EPB41L1: variants seen among roughly 807,000 people sequenced by gnomAD.
The protein encoded by EPB41L1 is erythrocyte membrane protein band 4.1 like 1.
Under a neutral mutation model 97.8 loss-of-function variants are expected in EPB41L1, and 29 were observed. The ratio of observed to expected loss-of-function variants is 0.30; its 90% CI spans 0.22 to 0.40. The LOEUF (loss-of-function observed/expected upper bound fraction) is 0.40, where lower values mean the gene tolerates loss of function less well. Ranked by LOEUF, EPB41L1 falls within the 10% of genes least tolerant of loss-of-function variation. EPB41L1 has a pLI of 1.00. For synonymous variants in EPB41L1, 383 were observed against 459.2 expected, an observed-to-expected ratio of 0.83 and a Z score of 2.12; for missense variants, 812 against 1,162.3, an observed-to-expected ratio of 0.70 and a Z score of 4.38.
chr20:36,220,696 C>T (rs1038051377), intron 19 of EPB41L1, among the ~76,000 whole-genome samples: 4 of 151,940 alleles, frequency 2.6e-5, no homozygotes, highest in Non-Finnish European at 4.4e-5. Flanking sequence ...AGGGCCTGGA[C>T]CAGGGTGTGA....
chr20:36,106,683 C>T (rs755801202), intron 1 of EPB41L1, among the ~76,000 whole-genome samples: 1 of 152,222 alleles, frequency 6.6e-6, no homozygotes, highest in Non-Finnish European at 1.5e-5. Context: ...ACTTTACCTT[C>T]GAGGCTTAGC....
At chr20:36,178,752 C>A in intron 5 of EPB41L1, 80 bp downstream of exon 5, 2 of 1,449,160 alleles carry the variant, frequency 1.4e-6, no homozygotes, top group Admixed American at 3.3e-5. Context: ...ACTGCTCTCT[C>A]CTCCTTTGGA....
chr20:36,217,751 G>A (rs2063529712), intron 17 of EPB41L1, among the ~76,000 whole-genome samples: 1 of 152,168 alleles, frequency 6.6e-6, no homozygotes, highest in Admixed American at 6.5e-5. Flanking sequence ...GCCTTGTGGT[G>A]CAGTACCAAG....
rs1003204464 is a variant in EPB41L1 at position 36,095,896 on chromosome 20, C to T, written c.-65+4284C>T. Among the ~76,000 whole-genome samples the T allele has an allele frequency of 5.9e-5, 9 of 152,048 alleles. No homozygotes were observed. The South Asian group carries it at 6.2e-4, about 11-fold the overall frequency. Reference sequence around the variant, plus strand: ...CAAAATTTAGCCGGGCATGGTGGCACGCGCCTGTAATCCCAGCTACTAAGG... The same window carrying T: ...CAAAATTTAGCCGGGCATGGTGGCATGCGCCTGTAATCCCAGCTACTAAGG... On this transcript the variant is annotated intron_variant, in intron 1 of 19. Transcript: ENST00000202028.
intron 1 of EPB41L1, among the ~76,000 whole-genome samples, chr20:36,161,664 A>C (rs2060529452): frequency 6.6e-6 from 1 of 152,002 alleles, no homozygotes; most frequent in Non-Finnish European, 1.5e-5. Context: ...TAGTAGAGAC[A>C]GGTTATCACT....
intron 2 of EPB41L1, among the ~76,000 whole-genome samples, chr20:36,139,173 T>C (rs2059538966): frequency 6.6e-6 from 1 of 152,088 alleles, no homozygotes; most frequent in South Asian, 2.1e-4. Flanking sequence ...AGAGGCAGTG[T>C]GGGAAGGGAG....
chr20:36,142,178 G>C (rs952019949), intron 2 of EPB41L1, among the ~76,000 whole-genome samples: 1 of 151,588 alleles, frequency 6.6e-6, no homozygotes, highest in East Asian at 1.9e-4. Context: ...CATTTGTTAC[G>C]TACCATTTTG....
At position 36,178,060 on chromosome 20, in the gene EPB41L1, C is replaced by T; in HGVS notation, c.447+4C>T. On this transcript the variant is annotated splice_donor_region_variant and intron_variant, in intron 4 of 21. Transcript: ENST00000338074. ...CTGTGATGCTGACAGCCAGAAGGTA[C>T]CTGGGCTAGGGAGCAGGGTGGGACC... 1.2e-6 allele frequency: 2 copies of T among 1,611,922 alleles called. No homozygotes were observed. Among genetic ancestry groups the T allele is most frequent in the Non-Finnish European group, 1.7e-6 (2 of 1,178,092 alleles).
intron 14 of EPB41L1, among the ~76,000 whole-genome samples, chr20:36,202,810 CAAA>C (rs35492694): frequency 4.1e-4 from 19 of 45,816 alleles, no homozygotes; most frequent in African/African-American, 1.3e-3. Context: ...AACTCCGTCT[CAAA>C]AAAAAAAAAA....
chr20:36,187,853 C>T, intron 8 of EPB41L1, 90 bp downstream of exon 8: 1 of 1,078,974 alleles, frequency 9.3e-7, no homozygotes, highest in Middle Eastern at 2.3e-4. Flanking sequence ...GTGCCAGACC[C>T]TGTGTTACCT....
intron 6 of EPB41L1, among the ~76,000 whole-genome samples, chr20:36,183,063 C>A (rs2061535087): frequency 6.6e-6 from 1 of 152,170 alleles, no homozygotes; most frequent in Non-Finnish European, 1.5e-5. Context: ...TGCAAAGCAT[C>A]CTTCAGGATG....
At chr20:36,153,014 C>T (rs754298206), upstream of EPB41L1, 2 of 456,732 alleles carry the variant, frequency 4.4e-6, no homozygotes, top group Non-Finnish European at 4.4e-6. Context: ...TCATTCTGCT[C>T]TCTGCTCTTC....
intron 2 of EPB41L1, among the ~76,000 whole-genome samples, chr20:36,113,093 C>A (rs2058462053): frequency 6.6e-6 from 1 of 152,164 alleles, no homozygotes; most frequent in Non-Finnish European, 1.5e-5. Flanking sequence ...CTGGCCAATT[C>A]CTCAGCCCCC....
intron 5 of EPB41L1, among the ~76,000 whole-genome samples, chr20:36,179,201 G>T (rs1451317449): frequency 6.6e-6 from 1 of 151,638 alleles, no homozygotes; most frequent in Admixed American, 6.6e-5. Context: ...GAAGAGAGAC[G>T]ACTGTGCAGA....
At chr20:36,113,406 ATTTGTGTG>A (rs1402060038) in intron 2 of EPB41L1, among the ~76,000 whole-genome samples, 1 of 131,744 alleles carries the variant, frequency 7.6e-6, no homozygotes. Flanking sequence ...GAAACTTTCC[ATTTGTGTG>A]TGTGTGTGTG....
Position 36,194,288 on chromosome 20 carries a change from C to T in EPB41L1, c.1377C>T (p.Gly459=), listed in dbSNP as rs368902009. ...GPDGDKRDED[G]ESGGQRSEAE... is the part of the protein sequence containing the mutation. ...ACGGTGACAAGCGGGATGAGGATGG[C>T]GAGTCTGGGGGGCAACGGTCAGAGG... The change falls in exon 12 of 22, where the codon GGC becomes GGT. Residue 459 remains glycine (G), a synonymous_variant. Coordinates refer to ENST00000338074, the MANE Select transcript of EPB41L1 (RefSeq NM_012156.2). 51 of 1,613,990 alleles carry T rather than the reference C, an allele frequency of 3.2e-5. No homozygotes were observed. The highest frequency in any genetic ancestry group is 2.7e-4 in the South Asian group (25 of 91,070).
chr20:36,172,267 C>A (rs1046273927), intron 1 of EPB41L1, among the ~76,000 whole-genome samples: 1 of 152,044 alleles, frequency 6.6e-6, no homozygotes, highest in African/African-American at 2.4e-5. Flanking sequence ...TTAGTAGAGA[C>A]GGGGTTTCAC....
intron 1 of EPB41L1, among the ~76,000 whole-genome samples, chr20:36,172,790 G>A (rs1398330161): frequency 5.3e-5 from 8 of 152,100 alleles, no homozygotes; most frequent in South Asian, 4.1e-4. Flanking sequence ...TAGTAGAGAC[G>A]GGGTTTCACC....
intron 2 of EPB41L1, among the ~76,000 whole-genome samples, chr20:36,144,745 A>C (rs966304093): frequency 7.2e-5 from 11 of 152,186 alleles, no homozygotes; most frequent in Non-Finnish European, 1.2e-4. Context: ...ATATGGGAGG[A>C]ATTAAACTGC....
Sources: allele counts gnomAD v4.1 joint callset (sites outside exome capture counted in the v4.1 genomes callset), GRCh38; gene constraint gnomAD v4.1.1; transcripts MANE v1.5; gene names NCBI Gene and HGNC (gene_info 2026-07-23, HGNC 2026-07-21).